CACNA2D1: variants seen among roughly 807,000 people sequenced by gnomAD.
CACNA2D1 encodes the protein voltage-dependent calcium channel subunit alpha-2/delta-1.
Under a neutral mutation model 171.5 loss-of-function variants are expected in CACNA2D1, and 53 were observed. The observed-to-expected ratio is 0.31, with a 90% confidence interval of 0.25 to 0.39. The LOEUF (loss-of-function observed/expected upper bound fraction) is 0.39. Ranked by LOEUF, CACNA2D1 falls within the 10% of genes least tolerant of loss-of-function variation. CACNA2D1 has a pLI of 1.00. For missense variants in CACNA2D1, 903 were observed against 1,299.8 expected (o/e 0.69, Z 4.69); for synonymous variants, 442 against 443.1 (o/e 1.00, Z 0.03).
At chr7:82,014,106 C>T (rs1800130318) in intron 13 of CACNA2D1, among the ~76,000 whole-genome samples, 1 of 152,040 alleles carries the variant, frequency 6.6e-6, no homozygotes, top group Admixed American at 6.6e-5. Context: ...GATATTGTTT[C>T]ATTCCTAATT....
intron 1 of CACNA2D1, among the ~76,000 whole-genome samples, chr7:82,432,037 T>TAAAAAAAAAAAAAAAAAAAAA (rs34180150): frequency 1.6e-4 from 13 of 82,208 alleles, no homozygotes; most frequent in African/African-American, 8.4e-4. Flanking sequence ...GACTCTGTCT[T>TAAAAAAAAAAAAAAAAAAAAA]AAAAAAAAAA....
intron 1 of CACNA2D1, among the ~76,000 whole-genome samples, chr7:82,435,030 C>CA (rs1830003738): frequency 1.2e-5 from 1 of 84,344 alleles, no homozygotes; most frequent in Non-Finnish European, 2.2e-5. Flanking sequence ...TCTTCAGATA[C>CA]TTTTTTTTTT....
At position 82,005,750 on chromosome 7, in the gene CACNA2D1, C is replaced by G. The variant is rs1311136623; in HGVS notation, c.1515+15G>C. On this transcript the variant is annotated intron_variant, in intron 17 of 38. Coordinates refer to ENST00000356860, the MANE Select transcript of CACNA2D1 (RefSeq NM_000722.4). ...TAAACTAGAAAGGGTATCAAAAGAG[C>G]AAATTTCATCTTACTGTAAAACGTG... 1 of 1,545,602 alleles carries G rather than the reference C, an allele frequency of 6.5e-7. No individual in the cohort carries two copies. Among genetic ancestry groups the G allele is most frequent in the Admixed American group, 1.7e-5 (1 of 59,884 alleles).
chr7:82,070,114 G>A (rs1808144019), intron 7 of CACNA2D1, among the ~76,000 whole-genome samples: 1 of 152,096 alleles, frequency 6.6e-6, no homozygotes, highest in Admixed American at 6.6e-5. Flanking sequence ...AAATTTCAGT[G>A]TTGCTCAATT....
chr7:82,301,138 G>A (rs936956502), intron 3 of CACNA2D1, among the ~76,000 whole-genome samples: 35 of 151,896 alleles, frequency 2.3e-4, no homozygotes, highest in African/African-American at 6.8e-4. Flanking sequence ...TTTTGATGGC[G>A]GGGGAGGGAT....
Position 82,008,994 on chromosome 7 carries a change from T to C in CACNA2D1, c.1363-1238A>G, listed in dbSNP as rs551221035. 8.5e-5 allele frequency among the ~76,000 whole-genome samples: 13 copies of C among 152,278 alleles called. No individual in the cohort carries two copies. The South Asian group carries it at 1.0e-3, about 12-fold the overall frequency. On this transcript the variant is annotated intron_variant, in intron 15 of 38. Coordinates refer to ENST00000356860, the MANE Select transcript of CACNA2D1 (RefSeq NM_000722.4). ...ATATTTGGGTGCATGATGATTGATATGGTTTGGCTGTGTTCCCACACAAAT... is the reference window on the plus strand; with the variant it reads ...ATATTTGGGTGCATGATGATTGATACGGTTTGGCTGTGTTCCCACACAAAT...
At chr7:82,318,299 G>T (rs1815356258) in intron 3 of CACNA2D1, among the ~76,000 whole-genome samples, 1 of 152,036 alleles carries the variant, frequency 6.6e-6, no homozygotes, top group Admixed American at 6.6e-5. Context: ...AATTAATTTT[G>T]ATCTTTATGC....
chr7:82,235,188 T>C (rs1253354636), intron 3 of CACNA2D1, among the ~76,000 whole-genome samples: 17 of 152,168 alleles, frequency 1.1e-4, no homozygotes, highest in Admixed American at 1.1e-3. Flanking sequence ...AATGGTAAAC[T>C]ATACAAAGCA....
intron 10 of CACNA2D1, among the ~76,000 whole-genome samples, chr7:82,044,812 A>G (rs1371805542): frequency 6.6e-6 from 1 of 152,160 alleles, no homozygotes; most frequent in Admixed American, 6.6e-5. Context: ...TTTGATTTTC[A>G]TATTTTTCAT....
At chr7:82,342,863 T>A (rs923530516) in intron 2 of CACNA2D1, among the ~76,000 whole-genome samples, 1 of 152,114 alleles carries the variant, frequency 6.6e-6, no homozygotes, top group African/African-American at 2.4e-5. Flanking sequence ...AAAGGATCCT[T>A]CATATAAAAG....
chr7:82,216,653 G>C (rs956005794), intron 3 of CACNA2D1, among the ~76,000 whole-genome samples: 1 of 151,974 alleles, frequency 6.6e-6, no homozygotes, highest in African/African-American at 2.4e-5. Context: ...TAATGAGATA[G>C]TTTGCTCCTA....
chr7:82,339,070 T>G (rs1818315887), intron 2 of CACNA2D1, among the ~76,000 whole-genome samples: 2 of 152,106 alleles, frequency 1.3e-5, no homozygotes, highest in Non-Finnish European at 2.9e-5. Flanking sequence ...ACCAGATACC[T>G]TGTCATATAA....
chr7:82,071,260 A>T (rs1433572138), intron 7 of CACNA2D1, among the ~76,000 whole-genome samples: 1 of 152,148 alleles, frequency 6.6e-6, no homozygotes, highest in Non-Finnish European at 1.5e-5. Flanking sequence ...CCTAGAGAAT[A>T]CTACCAGAAA....
At chr7:82,334,906 A>C (rs1463115061) in intron 3 of CACNA2D1, among the ~76,000 whole-genome samples, 1 of 152,004 alleles carries the variant, frequency 6.6e-6, no homozygotes. Flanking sequence ...TATACATATA[A>C]TCAATTAAAC....
At position 82,138,430 on chromosome 7, in the gene CACNA2D1, TGTTTTTTTTGTTTTTTTTG is replaced by T. The variant is rs1323052107; in HGVS notation, c.355-1773_355-1755del. On this transcript the variant is annotated intron_variant, in intron 4 of 38. Coordinates refer to ENST00000356860, the MANE Select transcript of CACNA2D1 (RefSeq NM_000722.4). ...GAAACATTTCTTATAGCATTAGTTT[TGTTTTTTTTGTTTTTTTTG>T]TTTTTTTTTTTTTTTGAGACAGAGT... Among the ~76,000 whole-genome samples the T allele has an allele frequency of 3.2e-5, 4 of 125,818 alleles. No individual in the cohort carries two copies. The East Asian group carries it at 7.5e-4, about 24-fold the overall frequency. 82.5% of individuals were successfully genotyped at this position (125,818 alleles called of 152,430 possible).
At chr7:82,335,809 T>C (rs574578950) in intron 2 of CACNA2D1, among the ~76,000 whole-genome samples, 8 of 152,116 alleles carry the variant, frequency 5.3e-5, no homozygotes, top group Admixed American at 1.3e-4. Context: ...GGTAATGGAG[T>C]ATTTTTTTTA....
intron 1 of CACNA2D1, among the ~76,000 whole-genome samples, chr7:82,396,120 T>A (rs1334912998): frequency 6.6e-6 from 1 of 152,128 alleles, no homozygotes; most frequent in Non-Finnish European, 1.5e-5. Context: ...AACCTCAAGG[T>A]TTAGTAGCCA....
At chr7:82,173,209 A>T (rs936995640) in intron 3 of CACNA2D1, among the ~76,000 whole-genome samples, 1 of 152,146 alleles carries the variant, frequency 6.6e-6, no homozygotes, top group Non-Finnish European at 1.5e-5. Flanking sequence ...GAAACAGAAT[A>T]ACAGTGGCAA....
At chr7:82,433,511 T>C (rs780894578) in intron 1 of CACNA2D1, among the ~76,000 whole-genome samples, 1 of 152,258 alleles carries the variant, frequency 6.6e-6, no homozygotes, top group African/African-American at 2.4e-5. Context: ...ATCTATCCTG[T>C]ATTCCAACCA....
Sources: allele counts gnomAD v4.1 joint callset (sites outside exome capture counted in the v4.1 genomes callset), GRCh38; gene constraint gnomAD v4.1.1; transcripts MANE v1.5; gene names NCBI Gene and HGNC (gene_info 2026-07-23, HGNC 2026-07-21).